The following AUTS2 variants were observed in gnomAD, a reference collection of about 807,000 sequenced individuals.
The protein encoded by AUTS2 is activator of transcription and developmental regulator AUTS2, also known as autism susceptibility gene 2 protein.
In AUTS2, 17 loss-of-function variants were observed where a neutral mutation model predicts 112.4. The observed-to-expected ratio is 0.15, with a 90% CI of 0.10 to 0.23. The LOEUF is 0.23. Ranked by LOEUF, AUTS2 falls within the 10% of genes least tolerant of loss-of-function variation. The pLI is 1.00. For missense variants in AUTS2, 1,510 were observed against 1,701.6 expected, an observed-to-expected ratio of 0.89 and a Z score of 1.98; for synonymous variants, 751 against 702.7, an observed-to-expected ratio of 1.07 and a Z score of -1.09.
chr7:69,839,806 T>C (rs537231587), intron 1 of AUTS2, among the ~76,000 whole-genome samples: 15 of 152,046 alleles, frequency 9.9e-5, no homozygotes, highest in Non-Finnish European at 1.5e-4. Context: ...TTGTTGTTGT[T>C]GTCGTGTTTT....
chr7:69,997,595 G>C (rs1799004199), intron 2 of AUTS2, among the ~76,000 whole-genome samples: 1 of 152,174 alleles, frequency 6.6e-6, no homozygotes, highest in African/African-American at 2.4e-5. Flanking sequence ...AAGGCCTCAG[G>C]AAGTGTTTAC....
intron 2 of AUTS2, among the ~76,000 whole-genome samples, chr7:69,900,118 A>G (rs541302441): frequency 6.6e-6 from 1 of 152,218 alleles, no homozygotes; most frequent in African/African-American, 2.4e-5. Flanking sequence ...TCAATGATCC[A>G]CAAGAAAGTA....
At chr7:70,730,659 C>T (rs1235783602) in intron 6 of AUTS2, among the ~76,000 whole-genome samples, 1 of 149,830 alleles carries the variant, frequency 6.7e-6, no homozygotes, top group Non-Finnish European at 1.5e-5. Flanking sequence ...CATCAGTTGA[C>T]GGACATTCAA....
chr7:70,510,917 T>C (rs1429898845), intron 5 of AUTS2, among the ~76,000 whole-genome samples: 1 of 152,102 alleles, frequency 6.6e-6, no homozygotes, highest in Non-Finnish European at 1.5e-5. Context: ...GGCGCGATCT[T>C]GGCTCACTGC....
At chr7:70,217,384 C>T (rs891239082) in intron 4 of AUTS2, among the ~76,000 whole-genome samples, 1 of 151,928 alleles carries the variant, frequency 6.6e-6, no homozygotes, top group African/African-American at 2.4e-5. Context: ...CATGTTGAGC[C>T]CAATTAGAAG....
intron 5 of AUTS2, among the ~76,000 whole-genome samples, chr7:70,670,831 C>T (rs910642540): frequency 2.0e-5 from 3 of 152,198 alleles, no homozygotes; most frequent in Non-Finnish European, 4.4e-5. Flanking sequence ...TGCCCAGGCA[C>T]TGACTGCAGG....
At chr7:69,839,991 A>T (rs1791902152) in intron 1 of AUTS2, among the ~76,000 whole-genome samples, 1 of 152,116 alleles carries the variant, frequency 6.6e-6, no homozygotes, top group African/African-American at 2.4e-5. Flanking sequence ...GTCAGCTGGG[A>T]ACTTATTAGA....
chr7:69,894,612 T>C (rs1201390334), intron 1 of AUTS2, among the ~76,000 whole-genome samples: 1 of 152,134 alleles, frequency 6.6e-6, no homozygotes, highest in East Asian at 1.9e-4. Flanking sequence ...TTTTCTGGAC[T>C]CCCCATGTCT....
chr7:69,687,919 C>T (rs1247237255), intron 1 of AUTS2, among the ~76,000 whole-genome samples: 1 of 152,122 alleles, frequency 6.6e-6, no homozygotes, highest in Non-Finnish European at 1.5e-5. Context: ...GAGGATTAAG[C>T]CATATAATGG....
rs867633413 is a variant in AUTS2, at chr7:70,466,845, G to A, written c.690+31064G>A. Among the ~76,000 whole-genome samples, 7 of 152,242 alleles carry A rather than the reference G, an allele frequency of 4.6e-5. No homozygotes were observed. The South Asian group carries it at 1.2e-3, about 27-fold the overall frequency. On this transcript the variant is annotated intron_variant, in intron 5 of 18. Coordinates refer to ENST00000342771, the MANE Select transcript of AUTS2 (RefSeq NM_015570.4). ...ACATGATCAGATTTGTCATTTAAACGGTAACTTTGGCAGCTGTGTGGAGGA... is the reference window on the plus strand; with the variant it reads ...ACATGATCAGATTTGTCATTTAAACAGTAACTTTGGCAGCTGTGTGGAGGA...
chr7:69,943,261 A>G lies in AUTS2; in HGVS notation c.522+43763A>G, dbSNP rs1160708601. Among the ~76,000 whole-genome samples the G allele has an allele frequency of 3.3e-5, 5 of 152,236 alleles. 1 individual carries two copies. Among genetic ancestry groups the G allele is most frequent in the Non-Finnish European group, 5.9e-5 (4 of 68,036 alleles). ...CCTTGTAAGAATTAAATTAGTTAAT[A>G]TAAGTAAAGTTCTTAGAACAAGGCC... On this transcript the variant is annotated intron_variant, in intron 2 of 18. Transcript: ENST00000342771.
chr7:69,599,700 C>A lies in AUTS2; in HGVS notation c.47C>A (p.Ser16Ter). The A allele has an allele frequency of 7.5e-7, 1 of 1,326,088 alleles. No individual in the cohort carries two copies. The highest frequency in any genetic ancestry group is 3.1e-5 in the East Asian group (1 of 32,328). The allele number at this position is 1,326,088 out of a possible 1,614,324, so 82.1% of individuals were successfully genotyped here. ...CATGGACTCCGCAAAAAGCGGCGGTCGCGGTCGCAGCGAGACCGGGAGAGG... is the reference window on the plus strand; with the variant it reads ...CATGGACTCCGCAAAAAGCGGCGGTAGCGGTCGCAGCGAGACCGGGAGAGG... ...RGHGLRKKRR[S>*]RSQRDRERRS... The change falls in exon 1 of 19, where the codon TCG (serine) becomes TAG (stop). Residue 16 changes from serine to a stop codon, truncating the protein, a stop_gained. Coordinates refer to ENST00000342771, the MANE Select transcript of AUTS2 (RefSeq NM_015570.4). LOFTEE classifies it high-confidence loss of function. The surrounding 1 kb of genome is among the most constrained non-coding windows in gnomAD (Gnocchi z 7.0).
chr7:70,080,799 A>C (rs1173637144), intron 2 of AUTS2, among the ~76,000 whole-genome samples: 1 of 152,226 alleles, frequency 6.6e-6, no homozygotes, highest in South Asian at 2.1e-4. Flanking sequence ...TGATTATGGA[A>C]TATGAAGTCA....
At chr7:70,037,094 A>G (rs186618735) in intron 2 of AUTS2, among the ~76,000 whole-genome samples, 14 of 152,296 alleles carry the variant, frequency 9.2e-5, no homozygotes, top group East Asian at 3.9e-4. Flanking sequence ...ATCTGCCACA[A>G]CGTGGGTGAG....
intron 4 of AUTS2, among the ~76,000 whole-genome samples, chr7:70,219,208 C>T (rs1811338671): frequency 6.6e-6 from 1 of 152,224 alleles, no homozygotes; most frequent in South Asian, 2.1e-4. Flanking sequence ...GAAAACATCT[C>T]TCTCATTGCT....
chr7:70,234,588 T>C (rs543200535), intron 4 of AUTS2, among the ~76,000 whole-genome samples: 11 of 152,276 alleles, frequency 7.2e-5, no homozygotes, highest in African/African-American at 2.6e-4. Context: ...CTGAGCCTCT[T>C]TTGGTCTCTT....
chr7:70,368,863 A>C (rs371044261), intron 4 of AUTS2, among the ~76,000 whole-genome samples: 36 of 152,322 alleles, frequency 2.4e-4, no homozygotes, highest in African/African-American at 8.7e-4. Context: ...TGATCCACCA[A>C]GAGCAGCGTG....
chr7:69,639,559 T>C (rs1213885347), intron 1 of AUTS2, among the ~76,000 whole-genome samples: 1 of 152,214 alleles, frequency 6.6e-6, no homozygotes, highest in Non-Finnish European at 1.5e-5. Flanking sequence ...GCTGTGTCTT[T>C]TCATTTTCTG....
intron 5 of AUTS2, among the ~76,000 whole-genome samples, chr7:70,444,344 G>A (rs1353882154): frequency 6.1e-5 from 4 of 65,396 alleles, no homozygotes; most frequent in African/African-American, 1.7e-4. Flanking sequence ...GGTCATGTAC[G>A]TGTGTGTGTG....
Sources: gnomAD v4.1 joint callset for allele counts (sites outside exome capture counted in the v4.1 genomes callset) on GRCh38, gnomAD v4.1.1 for gene constraint, Gnocchi (gnomAD v3.1) non-coding constraint, MANE v1.5 for transcripts, NCBI Gene and HGNC (gene_info 2026-07-23, HGNC 2026-07-21) for gene names.